Variants in MRPL3 observed in about 807,000 individuals in gnomAD.
MRPL3 encodes the protein large ribosomal subunit protein uL3m.
In MRPL3, 43 loss-of-function variants were observed where a neutral mutation model predicts 44.3. The observed-to-expected ratio is 0.97, with a 90% CI of 0.76 to 1.25. The LOEUF (loss-of-function observed/expected upper bound fraction) is 1.25. Among genes scored for constraint, MRPL3 ranks in the 50% most tolerant of loss-of-function variants. The pLI is 0.00. For synonymous variants in MRPL3, 171 were observed against 152.3 expected, an observed-to-expected ratio of 1.12 and a Z score of -0.91; for missense variants, 406 against 427.6, an observed-to-expected ratio of 0.95 and a Z score of 0.45.
At chr3:131,474,682 A>G (rs1407025583) in intron 6 of MRPL3, among the ~76,000 whole-genome samples, 1 of 152,140 alleles carries the variant, frequency 6.6e-6, no homozygotes, top group African/African-American at 2.4e-5. Flanking sequence ...TCAATTAGAA[A>G]TAAAATTTGT....
rs554515444 is a variant in MRPL3 at position 131,500,371 on chromosome 3, T to C, written c.369+59A>G. 5.1e-6 allele frequency: 7 copies of C among 1,373,330 alleles called. No homozygotes were observed. The South Asian group carries it at 8.2e-5, about 16-fold the overall frequency. The allele number at this position is 1,373,330 out of a possible 1,614,324, so 85.1% of individuals were successfully genotyped here. ...GGACACAAATAGTTCTTGTTAAGGTTTGCACAAACAGATCTTGAAACACAT... is the reference window on the plus strand; with the variant it reads ...GGACACAAATAGTTCTTGTTAAGGTCTGCACAAACAGATCTTGAAACACAT... On this transcript the variant is annotated intron_variant, in intron 3 of 9. Transcript: ENST00000264995.
At chr3:131,464,964 G>C (rs1056626353) in intron 9 of MRPL3, among the ~76,000 whole-genome samples, 1 of 152,180 alleles carries the variant, frequency 6.6e-6, no homozygotes, top group Non-Finnish European at 1.5e-5. Flanking sequence ...ATAATGGAGT[G>C]AAAGGACATA....
chr3:131,502,005 C>T, intron 1 of MRPL3: 1 of 1,147,428 alleles, frequency 8.7e-7, no homozygotes, highest in Non-Finnish European at 1.2e-6. Flanking sequence ...TGAAAAGCCA[C>T]TAACCCATTT....
At chr3:131,467,239 C>T (rs199591640) in intron 9 of MRPL3, among the ~76,000 whole-genome samples, 4,040 of 129,852 alleles carry the variant, frequency 0.031, 211 homozygotes, top group African/African-American at 0.093. Context: ...GCCATACGCG[C>T]GCACACACAC....
In MRPL3 at chr3:131,498,052, CA is replaced by C. The variant is rs113203378; in HGVS notation, c.468+126del. The C allele has an allele frequency of 5.1e-4, 385 of 747,770 alleles. 2 individuals are homozygous for C. The African/African-American group carries it at 6.0e-3, about 12-fold the overall frequency. 46.3% of individuals were successfully genotyped at this position (747,770 alleles called of 1,614,324 possible). On this transcript the variant is annotated intron_variant, in intron 4 of 9. Transcript: ENST00000264995. ...AATGGCTGTGCCAGACTGCCTCCCCCAAATACACAATTTACCTCACAAACAA... is the reference window on the plus strand; with the variant it reads ...AATGGCTGTGCCAGACTGCCTCCCCCAATACACAATTTACCTCACAAACAA...
intron 4 of MRPL3, among the ~76,000 whole-genome samples, chr3:131,494,229 G>C (rs1028656347): frequency 6.6e-6 from 1 of 152,196 alleles, no homozygotes; most frequent in East Asian, 1.9e-4. Flanking sequence ...CTCCACAAGA[G>C]TGATAACACA....
intron 1 of MRPL3, among the ~76,000 whole-genome samples, 167 bp downstream of exon 1, chr3:131,502,563 C>A (rs1295226023): frequency 6.6e-6 from 1 of 152,194 alleles, no homozygotes; most frequent in Non-Finnish European, 1.5e-5. Flanking sequence ...ATCACCACTT[C>A]AATCCCCTTA....
chr3:131,481,375 C>T (rs981987094), intron 6 of MRPL3, among the ~76,000 whole-genome samples: 1 of 152,154 alleles, frequency 6.6e-6, no homozygotes, highest in African/African-American at 2.4e-5. Context: ...GTGATAGTAG[C>T]TAATACTCCT....
rs192474618 is a variant in MRPL3, at chr3:131,474,382, A to G, written c.630-3103T>C. On this transcript the variant is annotated intron_variant, in intron 6 of 9. Transcript: ENST00000264995. Reference sequence around the variant, plus strand: ...GTAGAGAGTGCAACAGTGATTACCCAGAGACTGGGGAGAGGATGGGGATGG... The same window carrying G: ...GTAGAGAGTGCAACAGTGATTACCCGGAGACTGGGGAGAGGATGGGGATGG... Among the ~76,000 whole-genome samples the G allele has an allele frequency of 3.0e-3, 462 of 152,300 alleles. 9 individuals carry two copies. Among genetic ancestry groups the G allele is most frequent in the Admixed American group, 0.014 (220 of 15,298 alleles).
rs754211279 is a variant in MRPL3 at position 131,502,798 on chromosome 3, C to G, written c.24G>C (p.Thr8=). The G allele has an allele frequency of 6.2e-7, 1 of 1,612,264 alleles. No individual in the cohort carries two copies. Among genetic ancestry groups the G allele is most frequent in the African/African-American group, 1.3e-5 (1 of 74,912 alleles). The change falls in exon 1 of 10, where the codon ACG becomes ACC. Residue 8 remains threonine (T), a synonymous_variant. Transcript: ENST00000264995. ...GACCCAGCACCTGGGCGCCGACCTG[C>G]GTCAGCAGCCTCCAACCCGGCATGG... The part of the protein sequence containing the change: MPGWRLL[T]QVGAQVLGRL...
At chr3:131,500,634 A>C (rs189183973) in intron 2 of MRPL3, 113 bp from the exon 3 acceptor site, 2 of 744,956 alleles carry the variant, frequency 2.7e-6, no homozygotes, top group African/African-American at 1.7e-5. Flanking sequence ...CACGTAAGAA[A>C]TATGCTAATA....
chr3:131,487,350 A>G (rs955515636), intron 6 of MRPL3: 7 of 218,424 alleles, frequency 3.2e-5, no homozygotes, highest in Non-Finnish European at 6.3e-5. Context: ...CCTAATATAA[A>G]TGACGAGTTG....
chr3:131,501,913 T>C, intron 1 of MRPL3, 198 bp from the exon 2 acceptor site: 1 of 1,536,142 alleles, frequency 6.5e-7, no homozygotes, highest in Middle Eastern at 1.7e-4. Context: ...ATTTAAACTG[T>C]TAGTCGTTAC....
intron 9 of MRPL3, among the ~76,000 whole-genome samples, chr3:131,465,857 C>T (rs1000806244): frequency 6.6e-6 from 1 of 150,578 alleles, no homozygotes; most frequent in Non-Finnish European, 1.5e-5. Context: ...ACAAAACTTA[C>T]AAAAATTCAT....
intron 4 of MRPL3, among the ~76,000 whole-genome samples, chr3:131,493,145 T>C (rs1934295015): frequency 6.6e-6 from 1 of 152,192 alleles, no homozygotes; most frequent in Non-Finnish European, 1.5e-5. Flanking sequence ...CTTTCCTGAA[T>C]CTGTCTGCAC....
At chr3:131,483,432 C>T (rs948833887) in intron 6 of MRPL3, among the ~76,000 whole-genome samples, 2 of 152,088 alleles carry the variant, frequency 1.3e-5, no homozygotes, top group South Asian at 2.1e-4. Flanking sequence ...CTTCCCCATA[C>T]AATCTAAATA....
intron 9 of MRPL3, among the ~76,000 whole-genome samples, chr3:131,463,701 C>T (rs1466146238): frequency 1.3e-5 from 2 of 152,094 alleles, no homozygotes; most frequent in African/African-American, 4.8e-5. Flanking sequence ...TATATATTCT[C>T]AAAAATTCTA....
intron 4 of MRPL3, among the ~76,000 whole-genome samples, chr3:131,492,011 G>T (rs1405600061): frequency 6.6e-6 from 1 of 151,798 alleles, no homozygotes; most frequent in African/African-American, 2.4e-5. Context: ...CTCCCTTATT[G>T]GCCCAAGAAC....
chr3:131,480,975 CT>C (rs1933972177), intron 6 of MRPL3, among the ~76,000 whole-genome samples: 1 of 152,232 alleles, frequency 6.6e-6, no homozygotes, highest in Non-Finnish European at 1.5e-5. Context: ...AGTTAAGCCA[CT>C]TGCCCAAAAT....
Sources: allele counts gnomAD v4.1 joint callset (sites outside exome capture counted in the v4.1 genomes callset), GRCh38; gene constraint gnomAD v4.1.1; transcripts MANE v1.5; gene names NCBI Gene and HGNC (gene_info 2026-07-23, HGNC 2026-07-21).